Variants in SEC16B observed in about 807,000 individuals in gnomAD.
SEC16B encodes the protein protein transport protein Sec16B.
A neutral mutation model predicts 141.8 loss-of-function variants in SEC16B; 115 were observed. That is an observed-to-expected ratio of 0.81 (90% CI 0.70 to 0.95). SEC16B has a LOEUF of 0.95. Among genes scored for constraint, SEC16B ranks in the 40% least tolerant of loss-of-function variants. The pLI, the probability that SEC16B is intolerant of heterozygous loss-of-function variation, is 0.00. For synonymous variants in SEC16B, 493 were observed against 492.5 expected (o/e 1.00, Z -0.01); for missense variants, 1,291 against 1,312.3 (o/e 0.98, Z 0.25).
Position 177,929,927 on chromosome 1 carries a change from C to T in SEC16B, c.3114G>A (p.Leu1038=). ...PLYNPSQVPQ[L]PTATSLNRPN... ...GCCGATTCAGGCTAGTGGCCGTGGGCAGCTGGAAAAGAAGAACAAATATTA... is the reference window on the plus strand; with the variant it reads ...GCCGATTCAGGCTAGTGGCCGTGGGTAGCTGGAAAAGAAGAACAAATATTA... Residue 1038 remains leucine, a splice_region_variant and synonymous_variant, in exon 26 of 26, where the codon CTG becomes CTA. Coordinates refer to ENST00000308284, the MANE Select transcript of SEC16B (RefSeq NM_033127.4). The T allele has an allele frequency of 6.2e-7, 1 of 1,613,704 alleles. No individual in the cohort carries two copies. Among genetic ancestry groups the T allele is most frequent in the Non-Finnish European group, 8.5e-7 (1 of 1,179,778 alleles).
rs150818221 is a variant in SEC16B, at chr1:177,968,419, C to T, written c.-58-380G>A. ...AGCGGAGGCCCTGTGGTATCATAAA[C>T]AGAGTGGGTCTTGCAGAGAGCTAGA... On this transcript the variant is annotated intron_variant, in intron 1 of 25. Transcript: ENST00000308284. Among the ~76,000 whole-genome samples, 112 of 152,244 alleles carry T rather than the reference C, an allele frequency of 7.4e-4. No individual in the cohort carries two copies. The East Asian group carries it at 0.019, about 25-fold the overall frequency.
chr1:177,952,767 C>T lies in SEC16B; in HGVS notation c.1464-772G>A, dbSNP rs573429517. On this transcript the variant is annotated intron_variant, in intron 11 of 25. Coordinates refer to ENST00000308284, the MANE Select transcript of SEC16B (RefSeq NM_033127.4). ...CAAAGGAAAATCATCCTCAGAACACCGTCCTTTATTTAACAGCACCCTTGC... is the reference window on the plus strand; with the variant it reads ...CAAAGGAAAATCATCCTCAGAACACTGTCCTTTATTTAACAGCACCCTTGC... 7.9e-5 allele frequency among the ~76,000 whole-genome samples: 12 copies of T among 152,208 alleles called. No homozygotes were observed. In the East Asian group the frequency reaches 1.2e-3, roughly 15 times the overall value.
rs561586544 is a variant in SEC16B at position 177,963,481 on chromosome 1, T to C, written c.642+690A>G. Among the ~76,000 whole-genome samples the C allele has an allele frequency of 1.5e-4, 23 of 152,170 alleles. No individual in the cohort carries two copies. The South Asian group carries it at 4.4e-3, about 29-fold the overall frequency. On this transcript the variant is annotated intron_variant, in intron 5 of 25. Transcript: ENST00000308284. The stretch of plus-strand genomic sequence containing the variant: ...AGCTGGGCATGGTGGCAGGCACCTG[T>C]AATCCCAGCTACTCGGGAGGCTGAG...
intron 15 of SEC16B, among the ~76,000 whole-genome samples, chr1:177,943,080 A>G (rs1304841124): frequency 6.6e-6 from 1 of 152,222 alleles, no homozygotes; most frequent in Admixed American, 6.5e-5. Flanking sequence ...TCGAAACAAT[A>G]CACAAGAAGA....
chr1:177,944,804 G>A (rs1211018576), intron 14 of SEC16B, 138 bp from the exon 15 acceptor site: 2 of 613,960 alleles, frequency 3.3e-6, no homozygotes, highest in Non-Finnish European at 5.6e-6. Context: ...GCGGCTTCAA[G>A]AGAAGAAGGA....
chr1:177,960,479 ACCCCAAGGCCGTG>A, intron 7 of SEC16B, 76 bp from the exon 8 acceptor site: 2 of 1,036,960 alleles, frequency 1.9e-6, no homozygotes, highest in Non-Finnish European at 3.0e-6. Context: ...CTAGTGTCAG[ACCCCAAGGCCGTG>A]GGGCTAGGAT....
At chr1:177,936,037 G>T (rs1650811138) in intron 20 of SEC16B, among the ~76,000 whole-genome samples, 2 of 152,344 alleles carry the variant, frequency 1.3e-5, no homozygotes, top group East Asian at 1.9e-4. Context: ...AGGTAACAGA[G>T]ATCTGAGAGG....
At chr1:177,934,234 C>T (rs188589556) in intron 20 of SEC16B, among the ~76,000 whole-genome samples, 181 of 152,142 alleles carry the variant, frequency 1.2e-3, no homozygotes, top group African/African-American at 3.7e-3. Flanking sequence ...CACACAGTGT[C>T]GTACAACCAT....
At chr1:177,967,286 C>T (rs1156908374) in intron 2 of SEC16B, among the ~76,000 whole-genome samples, 3 of 152,186 alleles carry the variant, frequency 2.0e-5, no homozygotes, top group Non-Finnish European at 4.4e-5. Context: ...GGTCCAATGA[C>T]AACGAGGAAC....
chr1:177,936,263 T>C (rs1196643582), intron 20 of SEC16B, 35 bp downstream of exon 20: 6 of 1,563,702 alleles, frequency 3.8e-6, no homozygotes, highest in Non-Finnish European at 5.2e-6. Flanking sequence ...AGCATTTGAG[T>C]GGGCAGTGGC....
Position 177,939,819 on chromosome 1 carries a change from G to GA in SEC16B, c.2128-43dup, listed in dbSNP as rs763750791. 111 of 1,408,192 alleles carry GA rather than the reference G, an allele frequency of 7.9e-5. No homozygotes were observed. The African/African-American group carries it at 1.4e-3, about 18-fold the overall frequency. 87.2% of individuals were successfully genotyped at this position (1,408,192 alleles called of 1,614,324 possible). On this transcript the variant is annotated intron_variant, in intron 17 of 25. Transcript: ENST00000308284. ...AAAATTCCTTTTAAGCAGCACAAAGGAAAAACAAGAACAGAGAAACAAAGT... is the reference window on the plus strand; with the variant it reads ...AAAATTCCTTTTAAGCAGCACAAAGGAAAAAACAAGAACAGAGAAACAAAGT...
chr1:177,967,961 C>T lies in SEC16B; in HGVS notation c.21G>A (p.Gln7=). Residue 7 remains glutamine (Q), a synonymous_variant, in exon 2 of 26, where the codon CAG becomes CAA. Transcript: ENST00000308284. MELWAP[Q]RLPQTRGKAT... ...CCTTCCCTCGTGTCTGGGGCAGCCT[C>T]TGGGGAGCCCAAAGTTCCATCCTTG... is the stretch of plus-strand genomic sequence containing the variant. The T allele has an allele frequency of 6.2e-7, 1 of 1,607,402 alleles. No homozygotes were observed. The highest frequency in any genetic ancestry group is 8.5e-7 in the Non-Finnish European group (1 of 1,174,524).
intron 1 of SEC16B, among the ~76,000 whole-genome samples, chr1:177,983,809 A>G (rs1654520076): frequency 6.6e-6 from 1 of 152,172 alleles, no homozygotes; most frequent in African/African-American, 2.4e-5. Flanking sequence ...CCTTTTCCCA[A>G]ACACTGTAAC....
intron 25 of SEC16B, 25 bp from the exon 26 acceptor site, chr1:177,929,954 A>C: frequency 6.2e-7 from 1 of 1,610,912 alleles, no homozygotes; most frequent in South Asian, 1.1e-5. Flanking sequence ...CAAATATTAC[A>C]CTGAGTACAG....
chr1:177,961,549 C>T (rs1206344109), intron 6 of SEC16B, 41 bp downstream of exon 6: 24 of 1,573,770 alleles, frequency 1.5e-5, no homozygotes, highest in Non-Finnish European at 2.1e-5. Context: ...AGCCCTTCCA[C>T]ATCAGATTCA....
intron 3 of SEC16B, among the ~76,000 whole-genome samples, chr1:177,965,400 G>GGTGTGTGT (rs71108021): frequency 0.048 from 7,307 of 151,048 alleles, 178 homozygotes; most frequent in Non-Finnish European, 0.059. Context: ...GATGGGGATT[G>GGTGTGTGT]GTGTGTGTGT....
At chr1:177,972,483 A>C (rs535418131), upstream of SEC16B, among the ~76,000 whole-genome samples, 2 of 152,280 alleles carry the variant, frequency 1.3e-5, no homozygotes, top group South Asian at 4.2e-4. Context: ...TCCTGGCTGC[A>C]GTGTTCTTGG....
In SEC16B at chr1:177,958,514, T is replaced by G; in HGVS notation, c.1135-152A>C. 3 of 630,120 alleles carry G rather than the reference T, an allele frequency of 4.8e-6. No homozygotes were observed. In the South Asian group the frequency reaches 7.3e-5, roughly 15 times the overall value. 39.0% of individuals were successfully genotyped at this position (630,120 alleles called of 1,614,324 possible). ...CAGTCCTTTGTTAGATTGCTATATT[T>G]CAGACTTCAGCATCACTATCATGGT... On this transcript the variant is annotated intron_variant, in intron 9 of 25. Transcript: ENST00000308284.
rs1651857810 is a variant in SEC16B at position 177,947,890 on chromosome 1, A to G, written c.1598T>C (p.Leu533Pro). The G allele has an allele frequency of 6.4e-7, 1 of 1,560,662 alleles. No homozygotes were observed. Among genetic ancestry groups the G allele is most frequent in the Non-Finnish European group, 8.7e-7 (1 of 1,152,318 alleles). ...CTCTGGGTCCCCAGCCTGATTCGACAGAATCACAGCCAAGTGAGGCCTCCA... is the reference window on the plus strand; with the variant it reads ...CTCTGGGTCCCCAGCCTGATTCGACGGAATCACAGCCAAGTGAGGCCTCCA... ...GDWRPHLAVI[L>P]SNQAGDPELY... Residue 533 changes from leucine (L) to proline (P), a missense_variant, in exon 13 of 26, where the codon CTG becomes CCG. Physicochemically the swap from Leu to Pro is moderately conservative, Grantham distance 98. Transcript: ENST00000308284.
Sources: allele counts gnomAD v4.1 joint callset (sites outside exome capture counted in the v4.1 genomes callset), GRCh38; gene constraint gnomAD v4.1.1; transcripts MANE v1.5; gene names NCBI Gene and HGNC (gene_info 2026-07-23, HGNC 2026-07-21).